Variants in COL11A1 observed in about 807,000 individuals in gnomAD.
COL11A1 encodes collagen type XI alpha 1 chain.
Under a neutral mutation model 265.2 loss-of-function variants are expected in COL11A1, and 74 were observed. That is an observed-to-expected ratio of 0.28 (90% confidence interval 0.23 to 0.34). The LOEUF (loss-of-function observed/expected upper bound fraction) is 0.34. COL11A1 is among the 10% of genes least tolerant of loss of function. COL11A1 has a pLI of 1.00. For missense variants in COL11A1, 2,165 were observed against 2,263.6 expected (o/e 0.96, Z 0.88); for synonymous variants, 816 against 727.6 (o/e 1.12, Z -1.96).
At position 102,974,844 on chromosome 1, in the gene COL11A1, G is replaced by A; in HGVS notation, c.2794C>T (p.Pro932Ser). 6.2e-7 allele frequency: 1 copy of A among 1,613,558 alleles called. No homozygotes were observed. Among genetic ancestry groups the A allele is most frequent in the Non-Finnish European group, 8.5e-7 (1 of 1,179,576 alleles). The part of the protein sequence containing the change: ...GPQGPVGFPG[P>S]KGPPGPPGKD... ...CTGACACTTACAGGAGGGCCTTTTG[G>A]TCCAGGGAATCCAACTGGACCCTGA... Residue 932 changes from proline to serine, a missense_variant, in exon 36 of 67, where the codon CCA becomes TCA. Pro to Ser is a moderately conservative substitution (Grantham distance 74, BLOSUM62 -1). Coordinates refer to ENST00000370096, the MANE Select transcript of COL11A1 (RefSeq NM_001854.4).
rs775795472 is a variant in COL11A1, at chr1:102,962,812, G to T, written c.2917-52C>A. The stretch of plus-strand genomic sequence containing the variant: ...AGATTGCTCTTTTATTTTTGGCAAA[G>T]ATAACACAAACTCAAAAACAGTATT... On this transcript the variant is annotated intron_variant, in intron 38 of 66. Coordinates refer to ENST00000370096, the MANE Select transcript of COL11A1 (RefSeq NM_001854.4). 4.6e-6 allele frequency: 7 copies of T among 1,515,974 alleles called. No individual in the cohort carries two copies. In the Admixed American group the frequency reaches 6.7e-5, roughly 15 times the overall value. 93.9% of individuals were successfully genotyped at this position (1,515,974 alleles called of 1,614,324 possible).
chr1:102,984,366 T>C (rs1158116340), intron 30 of COL11A1, among the ~76,000 whole-genome samples, 175 bp from the exon 31 acceptor site: 1 of 152,080 alleles, frequency 6.6e-6, no homozygotes, highest in African/African-American at 2.4e-5. Context: ...AAGAAAATTG[T>C]TGCTTTGAAC....
intron 1 of COL11A1, chr1:103,100,437 TC>T (rs1253072624): frequency 6.6e-6 from 1 of 151,920 alleles, no homozygotes; most frequent in African/African-American, 2.4e-5. Flanking sequence ...TCCCAGAAAC[TC>T]CCCTTTCAAT....
intron 37 of COL11A1, among the ~76,000 whole-genome samples, chr1:102,969,411 G>C (rs955807813): frequency 2.0e-5 from 3 of 152,180 alleles, no homozygotes; most frequent in African/African-American, 4.8e-5. Flanking sequence ...TGGTTTCCTT[G>C]AGAAGTCTGG....
At chr1:103,095,445 C>T (rs1255962787) in intron 1 of COL11A1, among the ~76,000 whole-genome samples, 4 of 151,850 alleles carry the variant, frequency 2.6e-5, no homozygotes, top group Middle Eastern at 6.8e-3. Flanking sequence ...CAGGCAAGGC[C>T]TCAATAAGAA....
At chr1:103,081,209 AC>A (rs1278789295) in intron 2 of COL11A1, among the ~76,000 whole-genome samples, 1 of 151,878 alleles carries the variant, frequency 6.6e-6, no homozygotes, top group Non-Finnish European at 1.5e-5. Context: ...TTAAGTAACT[AC>A]CACATTGGAA....
chr1:102,952,723 T>A (rs1046312153), intron 41 of COL11A1, among the ~76,000 whole-genome samples: 8 of 152,184 alleles, frequency 5.3e-5, no homozygotes, highest in African/African-American at 1.9e-4. Flanking sequence ...CTGCTATAAT[T>A]TTATTTTATA....
intron 54 of COL11A1, among the ~76,000 whole-genome samples, chr1:102,906,508 T>C (rs1194943443): frequency 1.3e-5 from 2 of 151,982 alleles, no homozygotes; most frequent in Non-Finnish European, 2.9e-5. Context: ...CCCAGGCTCA[T>C]GCAATCCTCC....
intron 4 of COL11A1, among the ~76,000 whole-genome samples, chr1:103,043,134 AATAT>A (rs1460113209): frequency 6.8e-6 from 1 of 146,652 alleles, no homozygotes; most frequent in African/African-American, 2.5e-5. Flanking sequence ...ATATATATGA[AATAT>A]ATATAATGAA....
chr1:102,931,898 G>T (rs965398642), intron 46 of COL11A1, among the ~76,000 whole-genome samples: 12 of 151,382 alleles, frequency 7.9e-5, no homozygotes, highest in African/African-American at 2.9e-4. Context: ...TGTTTTATCA[G>T]AGACTAGGAT....
chr1:103,070,059 A>C (rs1292692484), intron 4 of COL11A1, among the ~76,000 whole-genome samples: 1 of 151,630 alleles, frequency 6.6e-6, no homozygotes, highest in African/African-American at 2.4e-5. Context: ...TTCCACATCT[A>C]GGTATTCAAC....
intron 57 of COL11A1, among the ~76,000 whole-genome samples, chr1:102,896,085 T>TTTAA (rs374430811): frequency 6.6e-6 from 1 of 152,048 alleles, no homozygotes; most frequent in South Asian, 2.1e-4. Context: ...AAGCAATTCA[T>TTTAA]TTAATTAACT....
intron 4 of COL11A1, among the ~76,000 whole-genome samples, chr1:103,071,467 CTTTTTTTT>C (rs869263393): frequency 5.4e-4 from 27 of 49,890 alleles, no homozygotes; most frequent in African/African-American, 1.8e-3. Flanking sequence ...GTTGGTAGGA[CTTTTTTTT>C]TTTTTTTTTT....
chr1:103,100,974 T>C (rs954008523), intron 1 of COL11A1, among the ~76,000 whole-genome samples: 3 of 151,990 alleles, frequency 2.0e-5, no homozygotes, highest in Non-Finnish European at 4.4e-5. Context: ...ACTGAGCATG[T>C]ATTTGGTATT....
intron 26 of COL11A1, 98 bp from the exon 27 acceptor site, chr1:102,996,140 TTTTTC>T (rs1664604024): frequency 8.3e-7 from 1 of 1,201,848 alleles, no homozygotes; most frequent in Non-Finnish European, 1.2e-6. Flanking sequence ...GGATATGGTT[TTTTTC>T]TACTGCTAAT....
intron 25 of COL11A1, among the ~76,000 whole-genome samples, chr1:102,997,929 G>A (rs1263959163): frequency 6.6e-6 from 1 of 151,902 alleles, no homozygotes; most frequent in Non-Finnish European, 1.5e-5. Flanking sequence ...TGAAAAGGAG[G>A]AGAAGATGGA....
chr1:103,069,478 T>A (rs1671404497), intron 4 of COL11A1, among the ~76,000 whole-genome samples: 1 of 151,622 alleles, frequency 6.6e-6, no homozygotes. Context: ...TAGAAGAAAA[T>A]CTTTGTGATC....
At chr1:103,024,999 T>C (rs944027485) in intron 7 of COL11A1, among the ~76,000 whole-genome samples, 9 of 152,174 alleles carry the variant, frequency 5.9e-5, no homozygotes, top group Non-Finnish European at 8.8e-5. Flanking sequence ...GATTAAGATA[T>C]ATTAGTTTAA....
chr1:103,038,788 A>T (rs1039787491), intron 4 of COL11A1, among the ~76,000 whole-genome samples: 2 of 152,186 alleles, frequency 1.3e-5, no homozygotes, highest in South Asian at 4.1e-4. Flanking sequence ...GATTTCAATA[A>T]AAGTGTTGAG....
Sources: gnomAD v4.1 joint callset for allele counts (sites outside exome capture counted in the v4.1 genomes callset) on GRCh38, gnomAD v4.1.1 for gene constraint, MANE v1.5 for transcripts, NCBI Gene and HGNC (gene_info 2026-07-23, HGNC 2026-07-21) for gene names.